The following RBMS1 variants were observed in gnomAD, a reference collection of about 807,000 sequenced individuals.
RBMS1 encodes the protein RNA binding motif single stranded interacting protein 1, also known as RNA-binding motif, single-stranded-interacting protein 1.
RBMS1 carries 17 observed loss-of-function variants against 62.3 expected under a neutral mutation model. That is an observed-to-expected ratio of 0.27 (90% CI 0.19 to 0.41). RBMS1 has a LOEUF of 0.41. Ranked by LOEUF, RBMS1 falls within the 10% of genes least tolerant of loss-of-function variation. The pLI, the probability that RBMS1 is intolerant of heterozygous loss-of-function variation, is 1.00. For synonymous variants in RBMS1, 172 were observed against 170.0 expected (o/e 1.01, Z -0.09); for missense variants, 334 against 504.5 (o/e 0.66, Z 3.24).
intron 2 of RBMS1, among the ~76,000 whole-genome samples, chr2:160,343,694 A>C (rs941737767): frequency 3.9e-5 from 6 of 152,188 alleles, no homozygotes; most frequent in African/African-American, 1.2e-4. Context: ...TGTGATTGTA[A>C]AATACTATTT....
chr2:160,286,986 C>T lies in RBMS1; in HGVS notation c.739G>A (p.Glu247Lys). 1.2e-6 allele frequency: 2 copies of T among 1,611,726 alleles called. No individual in the cohort carries two copies. The highest frequency in any genetic ancestry group is 1.1e-5 in the South Asian group (1 of 91,002). The change falls in exon 7 of 14, where the codon GAA (glutamate) becomes AAA (lysine). Residue 247 changes from glutamate to lysine, a missense_variant. Glu to Lys is a moderately conservative substitution (Grantham distance 56). This residue lies in a region of RBMS1 where 182 missense variants were observed against 257.7 expected (regional missense o/e 0.71). Transcript: ENST00000348849. Reference protein sequence around the residue: ...YIPNGRPWHREGEVRLAGMTL... With the variant: ...YIPNGRPWHRKGEVRLAGMTL... ...GGACTTACAAGTCTCACCTCTCCTT[C>T]TCTATGCCATGGTCTTCCATTAGGG...
At chr2:160,350,704 T>C (rs369998709) in intron 2 of RBMS1, among the ~76,000 whole-genome samples, 5 of 152,174 alleles carry the variant, frequency 3.3e-5, no homozygotes, top group Non-Finnish European at 7.3e-5. Context: ...GACGGCTGCA[T>C]AGTATTCCAT....
chr2:160,374,540 TTAAACACAGTAAATG>T (rs1485253119), intron 1 of RBMS1, among the ~76,000 whole-genome samples: 23 of 152,016 alleles, frequency 1.5e-4, no homozygotes, highest in African/African-American at 5.1e-4. Flanking sequence ...AGAAAAGAAT[TTAAACACAGTAAATG>T]AAGAGCATGG....
At chr2:160,335,940 G>A (rs1300308678) in intron 2 of RBMS1, among the ~76,000 whole-genome samples, 4 of 152,178 alleles carry the variant, frequency 2.6e-5, no homozygotes, top group Non-Finnish European at 4.4e-5. Flanking sequence ...CTTCTGCATA[G>A]ACTGCAAATT....
At chr2:160,400,317 T>A (rs1695367142) in intron 1 of RBMS1, among the ~76,000 whole-genome samples, 1 of 146,048 alleles carries the variant, frequency 6.8e-6, no homozygotes, top group South Asian at 2.1e-4. Flanking sequence ...TAAATTAAAT[T>A]AAATTTAAAA....
intron 2 of RBMS1, among the ~76,000 whole-genome samples, chr2:160,328,407 G>GT (rs34864470): frequency 1.8e-3 from 263 of 145,122 alleles, no homozygotes; most frequent in Non-Finnish European, 1.6e-3. Flanking sequence ...TTTCAGCACA[G>GT]TTTTTTTTTT....
chr2:160,277,266 T>C (rs1427111125), intron 12 of RBMS1, 37 bp downstream of exon 12: 5 of 1,513,716 alleles, frequency 3.3e-6, no homozygotes, highest in African/African-American at 1.4e-5. Context: ...CTGAAACTAC[T>C]TATAGCCAGA....
intron 4 of RBMS1, among the ~76,000 whole-genome samples, chr2:160,306,596 T>C (rs1329515820): frequency 6.6e-6 from 1 of 151,790 alleles, no homozygotes; most frequent in Admixed American, 6.6e-5. Flanking sequence ...CTTACAAACA[T>C]TGTCCACAAA....
chr2:160,393,840 G>T (rs1304305698), intron 1 of RBMS1, among the ~76,000 whole-genome samples: 1 of 152,018 alleles, frequency 6.6e-6, no homozygotes, highest in Non-Finnish European at 1.5e-5. Flanking sequence ...AGCTTCACTG[G>T]CAGTCAGGAT....
intron 1 of RBMS1, among the ~76,000 whole-genome samples, chr2:160,481,638 TTGCATG>T (rs1685376345): frequency 6.6e-6 from 1 of 152,156 alleles, no homozygotes; most frequent in Non-Finnish European, 1.5e-5. Flanking sequence ...AAAAGTTGAA[TTGCATG>T]GTATGTAAAT....
intron 2 of RBMS1, among the ~76,000 whole-genome samples, chr2:160,319,895 T>C (rs980930915): frequency 6.6e-6 from 1 of 152,212 alleles, no homozygotes; most frequent in African/African-American, 2.4e-5. Flanking sequence ...TAACTAGGCA[T>C]GAAAGTAAAG....
intron 1 of RBMS1, among the ~76,000 whole-genome samples, chr2:160,399,194 G>C (rs997939770): frequency 6.6e-6 from 1 of 152,164 alleles, no homozygotes; most frequent in Non-Finnish European, 1.5e-5. Flanking sequence ...TTTTGTTCAA[G>C]TTCTTCTCCC....
At chr2:160,309,869 C>T (rs1296443373) in intron 4 of RBMS1, among the ~76,000 whole-genome samples, 1 of 152,160 alleles carries the variant, frequency 6.6e-6, no homozygotes, top group Non-Finnish European at 1.5e-5. Flanking sequence ...GAATCATTTG[C>T]TCATCTCACT....
At chr2:160,279,373 AT>A (rs1215989508) in intron 10 of RBMS1, 1 of 152,140 alleles carries the variant, frequency 6.6e-6, no homozygotes, top group East Asian at 1.9e-4. Flanking sequence ...AAAAAAAACA[AT>A]TGCTTCTAAC....
At chr2:160,433,938 C>T (rs1376937733) in intron 1 of RBMS1, among the ~76,000 whole-genome samples, 1 of 152,176 alleles carries the variant, frequency 6.6e-6, no homozygotes, top group Non-Finnish European at 1.5e-5. Flanking sequence ...GTGCAATCCT[C>T]GTTTACTTTG....
Position 160,426,201 on chromosome 2 carries a change from A to C in RBMS1, c.76-58810T>G, listed in dbSNP as rs1682560302. The stretch of plus-strand genomic sequence containing the variant: ...CCTGGTGTCCAAACGAAAGAAAGGA[A>C]GAAAGAGAGAGAGACAGAAGAAAGA... On this transcript the variant is annotated intron_variant, in intron 1 of 13. Coordinates refer to ENST00000348849, the MANE Select transcript of RBMS1 (RefSeq NM_016836.4). Among the ~76,000 whole-genome samples, 4 of 150,406 alleles carry C rather than the reference A, an allele frequency of 2.7e-5. No individual in the cohort carries two copies. In the South Asian group the frequency reaches 8.4e-4, roughly 32 times the overall value.
chr2:160,335,271 T>C (rs534188344), intron 2 of RBMS1, among the ~76,000 whole-genome samples: 25 of 152,260 alleles, frequency 1.6e-4, no homozygotes, highest in African/African-American at 5.8e-4. Context: ...AAAGGTATAA[T>C]GATTTGCAGG....
intron 1 of RBMS1, among the ~76,000 whole-genome samples, chr2:160,464,996 A>G (rs754237933): frequency 2.6e-5 from 4 of 152,222 alleles, no homozygotes; most frequent in Non-Finnish European, 5.9e-5. Flanking sequence ...AATGGTCAAT[A>G]TTTATCTTTA....
At chr2:160,475,837 AAT>A (rs1427894742) in intron 1 of RBMS1, among the ~76,000 whole-genome samples, 2 of 149,878 alleles carry the variant, frequency 1.3e-5, no homozygotes, top group Non-Finnish European at 1.5e-5. Flanking sequence ...AAATTATACT[AAT>A]AGAGTAGAAT....
Sources: gnomAD v4.1 joint callset for allele counts (sites outside exome capture counted in the v4.1 genomes callset) on GRCh38, gnomAD v4.1.1 for gene constraint, gnomAD v4.1.1 regional missense constraint, MANE v1.5 for transcripts, NCBI Gene and HGNC (gene_info 2026-07-23, HGNC 2026-07-21) for gene names.